The following EIF2AK3 variants were observed in gnomAD, a reference collection of about 807,000 sequenced individuals.
EIF2AK3 encodes the protein eukaryotic translation initiation factor 2 alpha kinase 3, also known as eukaryotic translation initiation factor 2-alpha kinase 3.
A neutral mutation model predicts 113.5 loss-of-function variants in EIF2AK3; 50 were observed. That is an observed-to-expected ratio of 0.44 (90% CI 0.35 to 0.56). The LOEUF (loss-of-function observed/expected upper bound fraction) is 0.56. EIF2AK3 is among the 20% of genes least tolerant of loss of function. The probability of loss-of-function intolerance (pLI) is 0.00; values close to 1 mark genes in which losing one functional copy is unlikely to be tolerated. For synonymous variants in EIF2AK3, 448 were observed against 495.4 expected (o/e 0.90, Z 1.27); for missense variants, 1,185 against 1,378.0 (o/e 0.86, Z 2.22).
chr2:88,601,818 A>G (rs898659316), intron 2 of EIF2AK3, among the ~76,000 whole-genome samples: 1 of 106,252 alleles, frequency 9.4e-6, no homozygotes, highest in Non-Finnish European at 2.0e-5. Flanking sequence ...TTCTGCATTT[A>G]TTAGTTAAGA....
chr2:88,621,281 G>A (rs1675714945), intron 1 of EIF2AK3, among the ~76,000 whole-genome samples: 1 of 152,186 alleles, frequency 6.6e-6, no homozygotes, highest in African/African-American at 2.4e-5. Flanking sequence ...CAGAACACCT[G>A]CCTATTTACA....
rs1805190 is a variant in EIF2AK3 at position 88,627,211 on chromosome 2, C to CCAGCAG, written c.58_63dup (p.Leu20_Leu21dup). 283 of 1,429,982 alleles carry CCAGCAG rather than the reference C, an allele frequency of 2.0e-4. No homozygotes were observed. The highest frequency in any genetic ancestry group is 4.8e-4 in the Middle Eastern group (2 of 4,128). The allele number at this position is 1,429,982 out of a possible 1,614,324, so 88.6% of individuals were successfully genotyped here. ...GCGGCCACCGTCCTTGCCGCGAGCC[C>CCAGCAG]CAGCAGCAGCAGCAGCAGCAGCAGC... On this transcript the variant is annotated inframe_insertion, in exon 1 of 17. Transcript: ENST00000303236.
intron 14 of EIF2AK3, among the ~76,000 whole-genome samples, chr2:88,564,206 G>T (rs1002302263): frequency 6.6e-6 from 1 of 152,142 alleles, no homozygotes; most frequent in Admixed American, 6.5e-5. Flanking sequence ...CATGGGTCCT[G>T]CTCATTTATT....
At chr2:88,605,093 A>G (rs367589324) in intron 2 of EIF2AK3, among the ~76,000 whole-genome samples, 122 of 152,340 alleles carry the variant, frequency 8.0e-4, no homozygotes, top group African/African-American at 2.8e-3. Flanking sequence ...CAAACTATAA[A>G]GTGCTACTCA....
intron 1 of EIF2AK3, among the ~76,000 whole-genome samples, chr2:88,622,168 A>T (rs1675740917): frequency 6.6e-6 from 1 of 152,204 alleles, no homozygotes; most frequent in Non-Finnish European, 1.5e-5. Context: ...AAGTGCTGTG[A>T]TTACAGGCGT....
rs373600805 is a variant in EIF2AK3 at position 88,567,862 on chromosome 2, A to G, written c.2985+3012T>C. ...TTTTAATGTAAACATAAGCAAATGT[A>G]TATCTATCTTTTCCTCCTTTACACA... On this transcript the variant is annotated intron_variant, in intron 14 of 16. Coordinates refer to ENST00000303236, the MANE Select transcript of EIF2AK3 (RefSeq NM_004836.7). 2.6e-5 allele frequency among the ~76,000 whole-genome samples: 4 copies of G among 152,302 alleles called. 1 individual carries two copies. The South Asian group carries it at 8.3e-4, about 32-fold the overall frequency.
chr2:88,627,177 G>T lies in EIF2AK3; in HGVS notation c.98C>A (p.Ala33Asp). ...LAARTVAAGR[A>D]RGLPAPTAEA... ...CGCCGTCGGCGCTGGGAGGCCACGG[G>T]CGCGCCCCGCGGCCACCGTCCTTGC... The change falls in exon 1 of 17, where the codon GCC becomes GAC. Residue 33 changes from alanine to aspartate, a missense_variant. Physicochemically the swap from Ala to Asp is moderately radical, Grantham distance 126. This residue lies in a region of EIF2AK3 where 189 missense variants were observed against 175.2 expected (regional missense o/e 1.08). Coordinates refer to ENST00000303236, the MANE Select transcript of EIF2AK3 (RefSeq NM_004836.7). The T allele has an allele frequency of 6.9e-7, 1 of 1,445,176 alleles. No homozygotes were observed. 89.5% of individuals were successfully genotyped at this position (1,445,176 alleles called of 1,614,324 possible). A position where few individuals can be genotyped will look rare whatever the true frequency, so the allele number is the denominator to read the frequency against.
chr2:88,576,239 G>A (rs936634511), intron 12 of EIF2AK3, among the ~76,000 whole-genome samples: 1 of 152,084 alleles, frequency 6.6e-6, no homozygotes, highest in African/African-American at 2.4e-5. Context: ...TTTTTAAAAT[G>A]TAAGTTCTCT....
At chr2:88,568,701 T>C (rs1674208047) in intron 14 of EIF2AK3, among the ~76,000 whole-genome samples, 1 of 152,306 alleles carries the variant, frequency 6.6e-6, no homozygotes, top group South Asian at 2.1e-4. Flanking sequence ...TATGAGTCAA[T>C]TTAAAAAACA....
At position 88,585,852 on chromosome 2, in the gene EIF2AK3, G is replaced by A. The variant is rs894772982; in HGVS notation, c.1639C>T (p.His547Tyr). 1.9e-6 allele frequency: 3 copies of A among 1,613,650 alleles called. No homozygotes were observed. The highest frequency in any genetic ancestry group is 1.7e-4 in the Middle Eastern group (1 of 6,058). Residue 547 changes from histidine to tyrosine, a missense_variant, in exon 9 of 17, where the codon CAT (histidine) becomes TAT (tyrosine). This residue lies in a region of EIF2AK3 where 877 missense variants were observed against 1,024.2 expected (regional missense o/e 0.86). Transcript: ENST00000303236. ...TFIVRRLFHP[H>Y]PHRQRKESET... ...ACCATGATTCTTACCCTGTGAGGATGAGGATGGAAAAGCCTGCGCACAATA... is the reference window on the plus strand; with the variant it reads ...ACCATGATTCTTACCCTGTGAGGATAAGGATGGAAAAGCCTGCGCACAATA...
intron 13 of EIF2AK3, 142 bp downstream of exon 13, chr2:88,574,524 C>G: frequency 2.0e-6 from 2 of 1,020,498 alleles, no homozygotes; most frequent in Non-Finnish European, 2.9e-6. Flanking sequence ...CAGGCCCCTT[C>G]GAGGCTACTT....
At chr2:88,584,915 T>C (rs1265786030) in intron 9 of EIF2AK3, among the ~76,000 whole-genome samples, 2 of 151,790 alleles carry the variant, frequency 1.3e-5, no homozygotes, top group African/African-American at 4.8e-5. Context: ...GAAGGATGGG[T>C]CACGTGCAGG....
chr2:88,592,145 T>G (rs1265840698), intron 4 of EIF2AK3, among the ~76,000 whole-genome samples: 1 of 152,084 alleles, frequency 6.6e-6, no homozygotes, highest in Non-Finnish European at 1.5e-5. Context: ...AATATTAGGT[T>G]TAAAAAAAAT....
intron 1 of EIF2AK3, among the ~76,000 whole-genome samples, chr2:88,614,313 A>G (rs993673047): frequency 1.3e-5 from 2 of 152,092 alleles, no homozygotes; most frequent in Admixed American, 1.3e-4. Context: ...GACTCCATGT[A>G]TCTCATTGCC....
At chr2:88,587,885 G>T in intron 8 of EIF2AK3, 97 bp downstream of exon 8, 2 of 850,708 alleles carry the variant, frequency 2.4e-6, no homozygotes, top group Non-Finnish European at 3.5e-6. Context: ...CTCCCAAGAT[G>T]TTTTATTGTC....
At chr2:88,593,481 G>A in intron 3 of EIF2AK3, 76 bp from the exon 4 acceptor site, 1 of 1,560,604 alleles carries the variant, frequency 6.4e-7, no homozygotes, top group Non-Finnish European at 8.8e-7. Flanking sequence ...AAAGGAATCT[G>A]TAATTTTTAA....
chr2:88,587,517 A>G (rs983418283), intron 8 of EIF2AK3, among the ~76,000 whole-genome samples: 1 of 152,176 alleles, frequency 6.6e-6, no homozygotes, highest in Non-Finnish European at 1.5e-5. Flanking sequence ...TAAGAAGATA[A>G]CCTCATTGTG....
chr2:88,579,197 G>T (rs1163358376), intron 11 of EIF2AK3, among the ~76,000 whole-genome samples: 2 of 152,098 alleles, frequency 1.3e-5, no homozygotes, highest in Non-Finnish European at 1.5e-5. Context: ...TTTTGTTCTA[G>T]TACTTTTCCT....
At chr2:88,561,263 C>CTT (rs755832317) in intron 15 of EIF2AK3, among the ~76,000 whole-genome samples, 1 of 137,062 alleles carries the variant, frequency 7.3e-6, no homozygotes. Flanking sequence ...CAGAGGGCTA[C>CTT]TTTTTTTTTT....
Sources: gnomAD v4.1 joint callset for allele counts (sites outside exome capture counted in the v4.1 genomes callset) on GRCh38, gnomAD v4.1.1 for gene constraint, gnomAD v4.1.1 regional missense constraint, MANE v1.5 for transcripts, NCBI Gene and HGNC (gene_info 2026-07-23, HGNC 2026-07-21) for gene names.